MEIS1: variants seen among roughly 807,000 people sequenced by gnomAD.
The protein encoded by MEIS1 is homeobox protein Meis1.
In MEIS1, 5 loss-of-function variants were observed where a neutral mutation model predicts 50.8. The ratio of observed to expected loss-of-function variants is 0.10; its 90% CI spans 0.05 to 0.21. The LOEUF (loss-of-function observed/expected upper bound fraction) is 0.21, where lower values mean the gene tolerates loss of function less well. MEIS1 is among the 10% of genes least tolerant of loss of function. The pLI, the probability that MEIS1 is intolerant of heterozygous loss-of-function variation, is 1.00. For missense variants in MEIS1, 318 were observed against 517.3 expected, an observed-to-expected ratio of 0.61 and a Z score of 3.74; for synonymous variants, 176 against 179.3, an observed-to-expected ratio of 0.98 and a Z score of 0.15.
chr2:66,449,974 G>A (rs759957228), intron 6 of MEIS1, among the ~76,000 whole-genome samples: 1 of 152,044 alleles, frequency 6.6e-6, no homozygotes, highest in Non-Finnish European at 1.5e-5. Flanking sequence ...TTGTTTATTG[G>A]TGTCATGAGT....
intron 9 of MEIS1, among the ~76,000 whole-genome samples, chr2:66,557,866 CT>C (rs1675106583): frequency 1.3e-5 from 2 of 152,176 alleles, no homozygotes; most frequent in Admixed American, 6.5e-5. Context: ...TGCTAGAAAA[CT>C]TGCCGGTGAG....
chr2:66,436,768 C>G (rs971375997), intron 1 of MEIS1: 3 of 506,410 alleles, frequency 5.9e-6, no homozygotes, highest in African/African-American at 4.2e-5. Context: ...TCACTCTCAG[C>G]GCCTCCAAAT....
chr2:66,483,253 G>A (rs966876149), intron 7 of MEIS1, among the ~76,000 whole-genome samples: 1 of 75,488 alleles, frequency 1.3e-5, no homozygotes, highest in Non-Finnish European at 2.9e-5. Context: ...TTGTCTTTTT[G>A]TGGAGAACGG....
intron 7 of MEIS1, among the ~76,000 whole-genome samples, chr2:66,511,047 A>G (rs72821222): frequency 4.6e-5 from 7 of 152,156 alleles, no homozygotes; most frequent in Admixed American, 6.5e-5. Flanking sequence ...CCTGGCTGCT[A>G]TAGCTCTTCC....
At chr2:66,483,640 G>A (rs973915423) in intron 7 of MEIS1, among the ~76,000 whole-genome samples, 8 of 152,154 alleles carry the variant, frequency 5.3e-5, no homozygotes, top group South Asian at 4.1e-4. Flanking sequence ...GAGAAGGGAC[G>A]CAGACTGATA....
At chr2:66,440,864 GCGC>G in intron 4 of MEIS1, 2 of 558,970 alleles carry the variant, frequency 3.6e-6, no homozygotes, top group Non-Finnish European at 6.3e-6. Context: ...CAGCCGGGCT[GCGC>G]AGCTCTAATC....
At chr2:66,477,846 T>C (rs1282252363) in intron 7 of MEIS1, among the ~76,000 whole-genome samples, 1 of 152,124 alleles carries the variant, frequency 6.6e-6, no homozygotes, top group East Asian at 1.9e-4. Context: ...TTTTTCTTTC[T>C]ATGTAGAGTC....
Position 66,516,333 on chromosome 2 carries a change from C to A in MEIS1, c.888+4039C>A, listed in dbSNP as rs76415883. On this transcript the variant is annotated intron_variant, in intron 8 of 12. Coordinates refer to ENST00000272369, the MANE Select transcript of MEIS1 (RefSeq NM_002398.3). ...CAGATTCAGGTGAAGCAAGCATTCA[C>A]GGGTCAATATCCAGCATTGACCAGT... Among the ~76,000 whole-genome samples the A allele has an allele frequency of 9.1e-4, 139 of 152,214 alleles. 1 individual carries two copies. The highest frequency in any genetic ancestry group is 3.0e-3 in the African/African-American group (125 of 41,536).
intron 7 of MEIS1, among the ~76,000 whole-genome samples, chr2:66,493,864 G>A (rs1036709125): frequency 6.6e-6 from 1 of 152,146 alleles, no homozygotes; most frequent in Non-Finnish European, 1.5e-5. Flanking sequence ...TACTCTGAGT[G>A]ACCCATGCAT....
intron 7 of MEIS1, among the ~76,000 whole-genome samples, chr2:66,494,298 C>T (rs1673344959): frequency 6.6e-6 from 1 of 152,198 alleles, no homozygotes; most frequent in Non-Finnish European, 1.5e-5. Flanking sequence ...ATAATGAATT[C>T]TGTCTATTCC....
intron 7 of MEIS1, among the ~76,000 whole-genome samples, chr2:66,492,446 G>A (rs182178972): frequency 6.6e-6 from 1 of 152,242 alleles, no homozygotes; most frequent in Non-Finnish European, 1.5e-5. Flanking sequence ...ACTGAACTCA[G>A]CACACACATG....
chr2:66,467,512 G>A (rs1372823246), intron 7 of MEIS1, among the ~76,000 whole-genome samples: 11 of 151,816 alleles, frequency 7.2e-5, no homozygotes, highest in Admixed American at 1.3e-4. Context: ...CAGGAGAATC[G>A]CTTGAACCCA....
chr2:66,501,033 CT>C (rs1673542400), intron 7 of MEIS1, among the ~76,000 whole-genome samples: 1 of 151,898 alleles, frequency 6.6e-6, no homozygotes, highest in Non-Finnish European at 1.5e-5. Context: ...ATATGGGGTA[CT>C]TTTTTTCCTA....
At chr2:66,511,555 G>A (rs1028528895) in intron 7 of MEIS1, among the ~76,000 whole-genome samples, 1 of 151,962 alleles carries the variant, frequency 6.6e-6, no homozygotes, top group African/African-American at 2.4e-5. Flanking sequence ...CTATGTCAGG[G>A]GTTTTTCCTT....
rs938137830 is a variant in MEIS1, at chr2:66,439,484, C to G, written c.240-359C>G. 4 of 1,405,878 alleles carry G rather than the reference C, an allele frequency of 2.8e-6. No individual in the cohort carries two copies. In the African/African-American group the frequency reaches 5.8e-5, roughly 21 times the overall value. The allele number at this position is 1,405,878 out of a possible 1,614,324, so 87.1% of individuals were successfully genotyped here. On this transcript the variant is annotated intron_variant, in intron 2 of 12. Coordinates refer to ENST00000272369, the MANE Select transcript of MEIS1 (RefSeq NM_002398.3). ...CGGCGCCTTTCTCCTCCACCGGATC[C>G]TGGATGTGCAGTGGAGGGGACGAGG...
chr2:66,562,755 A>C (rs1233250990), intron 9 of MEIS1, among the ~76,000 whole-genome samples: 1 of 152,180 alleles, frequency 6.6e-6, no homozygotes, highest in Admixed American at 6.5e-5. Flanking sequence ...TAGTTTGGTC[A>C]GAAGAAGAAA....
intron 7 of MEIS1, among the ~76,000 whole-genome samples, chr2:66,493,613 T>C (rs933834766): frequency 6.6e-6 from 1 of 152,192 alleles, no homozygotes; most frequent in Non-Finnish European, 1.5e-5. Flanking sequence ...TCCTATATTC[T>C]CTGTGATGTG....
chr2:66,543,762 C>T (rs2103921622), intron 8 of MEIS1, among the ~76,000 whole-genome samples: 1 of 152,306 alleles, frequency 6.6e-6, no homozygotes, highest in East Asian at 1.9e-4. Context: ...CTCCCAGTGG[C>T]CCTTGCATAT....
chr2:66,517,380 A>C (rs1042723273), intron 8 of MEIS1, among the ~76,000 whole-genome samples: 21 of 152,202 alleles, frequency 1.4e-4, no homozygotes, highest in African/African-American at 4.6e-4. Context: ...CATTAAATTA[A>C]GAGCCTTGAA....
Sources: gnomAD v4.1 joint callset for allele counts (sites outside exome capture counted in the v4.1 genomes callset) on GRCh38, gnomAD v4.1.1 for gene constraint, MANE v1.5 for transcripts, NCBI Gene and HGNC (gene_info 2026-07-23, HGNC 2026-07-21) for gene names.